The following DPP10 variants were observed in gnomAD, a reference collection of about 807,000 sequenced individuals.
DPP10 encodes the protein inactive dipeptidyl peptidase 10.
A neutral mutation model predicts 120.9 loss-of-function variants in DPP10; 33 were observed. That is an observed-to-expected ratio of 0.27 (90% CI 0.21 to 0.37). The LOEUF (loss-of-function observed/expected upper bound fraction) is 0.37. Ranked by LOEUF, DPP10 falls within the 10% of genes least tolerant of loss-of-function variation. The pLI, the probability that DPP10 is intolerant of heterozygous loss-of-function variation, is 1.00. For missense variants in DPP10, 816 were observed against 942.8 expected (o/e 0.87, Z 1.76); for synonymous variants, 337 against 326.1 (o/e 1.03, Z -0.36).
At chr2:114,590,275 G>A (rs1414227406) in intron 1 of DPP10, among the ~76,000 whole-genome samples, 1 of 152,106 alleles carries the variant, frequency 6.6e-6, no homozygotes, top group East Asian at 1.9e-4. Context: ...ATTGAGGAAT[G>A]AGTGTAGTCT....
intron 5 of DPP10, among the ~76,000 whole-genome samples, chr2:115,544,733 T>C (rs1388824647): frequency 1.3e-5 from 2 of 152,032 alleles, no homozygotes; most frequent in Non-Finnish European, 2.9e-5. Context: ...CATATGGCAT[T>C]CAAGCATATC....
intron 1 of DPP10, among the ~76,000 whole-genome samples, chr2:115,057,710 T>G (rs1162064824): frequency 6.6e-6 from 1 of 152,164 alleles, no homozygotes; most frequent in Admixed American, 6.5e-5. Flanking sequence ...TCAAAGAGCT[T>G]CTCTTTTATG....
At chr2:115,345,610 T>G (rs2063673921) in intron 3 of DPP10, among the ~76,000 whole-genome samples, 1 of 152,164 alleles carries the variant, frequency 6.6e-6, no homozygotes, top group Admixed American at 6.6e-5. Context: ...TTGTAGTCTT[T>G]GACTTTGGAA....
intron 1 of DPP10, among the ~76,000 whole-genome samples, chr2:115,232,132 A>G (rs902854961): frequency 1.3e-5 from 2 of 152,142 alleles, no homozygotes; most frequent in Admixed American, 1.3e-4. Flanking sequence ...GCATGCACTG[A>G]ACTGAGACAC....
intron 1 of DPP10, among the ~76,000 whole-genome samples, chr2:114,763,688 T>C (rs1680471524): frequency 6.6e-6 from 1 of 152,182 alleles, no homozygotes; most frequent in South Asian, 2.1e-4. Flanking sequence ...GGACCATGTT[T>C]AATGGGAACA....
intron 5 of DPP10, among the ~76,000 whole-genome samples, chr2:115,664,789 A>G (rs1284998829): frequency 6.6e-6 from 1 of 152,204 alleles, no homozygotes; most frequent in Non-Finnish European, 1.5e-5. Context: ...GGGCAACCTA[A>G]TGCCTGATCT....
chr2:115,598,384 C>A (rs2083116360), intron 5 of DPP10, among the ~76,000 whole-genome samples: 1 of 151,874 alleles, frequency 6.6e-6, no homozygotes, highest in Non-Finnish European at 1.5e-5. Context: ...CTGCCTTCTT[C>A]TTAATTACTT....
intron 11 of DPP10, among the ~76,000 whole-genome samples, chr2:115,761,383 A>G (rs922568633): frequency 1.2e-4 from 18 of 152,220 alleles, no homozygotes; most frequent in Admixed American, 2.6e-4. Flanking sequence ...TTTAATAGAA[A>G]ATAGATCCAG....
intron 1 of DPP10, chr2:114,462,104 A>C: frequency 1.0e-6 from 1 of 985,394 alleles, no homozygotes; most frequent in Non-Finnish European, 1.2e-6. Flanking sequence ...ATGGATATGG[A>C]GCTTTCTTGG....
chr2:114,816,087 T>TAAAAAGCAAGA lies in DPP10; in HGVS notation c.60+373249_60+373250insAAAAAGCAAGA, dbSNP rs1685620342. ...ACTCCCCGTGTAGAATAAAATGCAG[T>TAAAAAGCAAGA]CTGCTTATTACAGTCTTGACCATGC... On this transcript the variant is annotated intron_variant, in intron 1 of 25. Coordinates refer to ENST00000410059, the MANE Select transcript of DPP10 (RefSeq NM_020868.6). Among the ~76,000 whole-genome samples, 3 of 152,260 alleles carry TAAAAAGCAAGA rather than the reference T, an allele frequency of 2.0e-5. No individual in the cohort carries two copies. The South Asian group carries it at 6.2e-4, about 32-fold the overall frequency.
chr2:114,453,755 G>T (rs1441672019), intron 1 of DPP10, among the ~76,000 whole-genome samples: 1 of 152,054 alleles, frequency 6.6e-6, no homozygotes, highest in Non-Finnish European at 1.5e-5. Flanking sequence ...TTTGACTTTT[G>T]TTTGCTATAT....
intron 1 of DPP10, among the ~76,000 whole-genome samples, chr2:115,173,980 A>G (rs552468572): frequency 1.3e-5 from 2 of 152,252 alleles, no homozygotes; most frequent in African/African-American, 4.8e-5. Flanking sequence ...TCAGAATCAT[A>G]GAAATAACTT....
Position 115,844,434 on chromosome 2 carries a change from G to A in DPP10, c.*2089G>A, listed in dbSNP as rs912826764. On this transcript the variant is annotated 3_prime_UTR_variant, in exon 26 of 26. Transcript: ENST00000410059. ...ATTAATTTAATACAGTTTCTAATGT[G>A]AAAGACATTTTTCTGGAACCCGTTT... is the stretch of plus-strand genomic sequence containing the variant. 8 of 152,398 alleles carry A rather than the reference G, an allele frequency of 5.2e-5. No individual in the cohort carries two copies. The highest frequency in any genetic ancestry group is 8.8e-5 in the Non-Finnish European group (6 of 67,984). 9.4% of individuals were successfully genotyped at this position (152,398 alleles called of 1,614,324 possible). A position where few individuals can be genotyped will look rare whatever the true frequency, so the allele number is the denominator to read the frequency against.
At chr2:115,599,111 A>G (rs1575293764) in intron 5 of DPP10, among the ~76,000 whole-genome samples, 1 of 151,962 alleles carries the variant, frequency 6.6e-6, no homozygotes, top group East Asian at 1.9e-4. Flanking sequence ...AAATTTTCTC[A>G]TGCTTTTGAC....
intron 1 of DPP10, among the ~76,000 whole-genome samples, chr2:114,656,436 GA>G (rs1322551478): frequency 6.6e-6 from 1 of 151,976 alleles, no homozygotes; most frequent in Non-Finnish European, 1.5e-5. Flanking sequence ...ACGGAAGGGG[GA>G]AATAAAATTC....
intron 5 of DPP10, among the ~76,000 whole-genome samples, chr2:115,612,286 A>G (rs2084164557): frequency 6.6e-6 from 1 of 152,150 alleles, no homozygotes; most frequent in Non-Finnish European, 1.5e-5. Flanking sequence ...TGCCAGAAAT[A>G]TTTCTCCTGG....
At position 115,015,155 on chromosome 2, in the gene DPP10, G is replaced by A. The variant is rs564589553; in HGVS notation, c.61-294084G>A. Among the ~76,000 whole-genome samples the A allele has an allele frequency of 9.3e-4, 142 of 152,248 alleles. 1 individual carries two copies. The highest frequency in any genetic ancestry group is 3.2e-3 in the African/African-American group (133 of 41,552). On this transcript the variant is annotated intron_variant, in intron 1 of 25. Transcript: ENST00000410059. ...GCACATCAAAAATCTTATCCACCAC[G>A]ATCAAGTTGGCTGCATCCCTGGGAT...
At position 115,425,643 on chromosome 2, in the gene DPP10, C is replaced by T. The variant is rs138481258; in HGVS notation, c.272-73867C>T. 8.5e-5 allele frequency among the ~76,000 whole-genome samples: 13 copies of T among 152,246 alleles called. No homozygotes were observed. In the East Asian group the frequency reaches 2.5e-3, roughly 29 times the overall value. ...AGTATATGTTGAAAATTAACTCAAC[C>T]ATTTTTCATTTCCCTTTTAAAAAGA... is the stretch of plus-strand genomic sequence containing the variant. On this transcript the variant is annotated intron_variant, in intron 3 of 25. Transcript: ENST00000410059.
intron 1 of DPP10, among the ~76,000 whole-genome samples, chr2:114,703,029 T>C (rs1302727701): frequency 2.6e-5 from 4 of 152,068 alleles, no homozygotes; most frequent in African/African-American, 4.8e-5. Flanking sequence ...GGGATATACA[T>C]TGGCAGAGAG....
Sources: allele counts gnomAD v4.1 joint callset (sites outside exome capture counted in the v4.1 genomes callset), GRCh38; gene constraint gnomAD v4.1.1; transcripts MANE v1.5; gene names NCBI Gene and HGNC (gene_info 2026-07-23, HGNC 2026-07-21).